The following TRPC4 variants were observed in gnomAD, a reference collection of about 807,000 sequenced individuals.
TRPC4 encodes short transient receptor potential channel 4.
TRPC4 carries 49 observed loss-of-function variants against 99.4 expected under a neutral mutation model. The ratio of observed to expected loss-of-function variants is 0.49; its 90% confidence interval spans 0.39 to 0.63. TRPC4 has a LOEUF of 0.63. Among genes scored for constraint, TRPC4 ranks in the 20% least tolerant of loss-of-function variants. The pLI is 0.00. For synonymous variants in TRPC4, 454 were observed against 425.9 expected (o/e 1.07, Z -0.81); for missense variants, 898 against 1,152.9 (o/e 0.78, Z 3.20).
intron 3 of TRPC4, among the ~76,000 whole-genome samples, chr13:37,734,739 C>T (rs75670187): frequency 0.031 from 4,719 of 152,202 alleles, 249 homozygotes; most frequent in African/African-American, 0.11. Flanking sequence ...TGTCCCGGAG[C>T]TGCCTGGGAA....
chr13:37,659,779 C>T (rs972717903), intron 6 of TRPC4, among the ~76,000 whole-genome samples: 17 of 151,830 alleles, frequency 1.1e-4, no homozygotes, highest in East Asian at 5.8e-4. Flanking sequence ...ATTTATTGAC[C>T]GACTACACAT....
At position 37,633,378 on chromosome 13, in the gene TRPC4, G is replaced by C. The variant is rs1951434611; in HGVS notation, c.*3525C>G. On this transcript the variant is annotated 3_prime_UTR_variant, in exon 11 of 11. Transcript: ENST00000379705. ...GAAGGCAGCTGTATACACCATAGAA[G>C]ACAGCTAAAAATACAATGCATGAGG... Among the ~76,000 whole-genome samples the C allele has an allele frequency of 6.6e-6, 1 of 152,100 alleles. No individual in the cohort carries two copies. Among genetic ancestry groups the C allele is most frequent in the African/African-American group, 2.4e-5 (1 of 41,424 alleles).
chr13:37,840,308 T>A (rs1230152732), intron 1 of TRPC4, among the ~76,000 whole-genome samples: 2 of 152,118 alleles, frequency 1.3e-5, no homozygotes, highest in African/African-American at 4.8e-5. Context: ...CAATTATTAT[T>A]CAAAGATGTG....
intron 4 of TRPC4, among the ~76,000 whole-genome samples, chr13:37,679,999 GA>G (rs1269029670): frequency 1.3e-5 from 2 of 152,154 alleles, no homozygotes; most frequent in African/African-American, 2.4e-5. Context: ...GCCTGCATGA[GA>G]AAACTAAGGC....
chr13:37,693,194 G>A (rs747428040), intron 3 of TRPC4, among the ~76,000 whole-genome samples: 4 of 151,824 alleles, frequency 2.6e-5, no homozygotes, highest in African/African-American at 4.8e-5. Context: ...TTCTCATTGG[G>A]ATTGTCAGTT....
rs546350705 is a variant in TRPC4 at position 37,812,355 on chromosome 13, C to T, written c.-27-28995G>A. 6.6e-5 allele frequency among the ~76,000 whole-genome samples: 10 copies of T among 151,060 alleles called. No individual in the cohort carries two copies. The East Asian group carries it at 2.0e-3, about 29-fold the overall frequency. Reference sequence around the variant, plus strand: ...AAGCATATAAGTATGAAAAAAAATACAAACCATTATGAGGAGAAAATTTAA... The same window carrying T: ...AAGCATATAAGTATGAAAAAAAATATAAACCATTATGAGGAGAAAATTTAA... On this transcript the variant is annotated intron_variant, in intron 1 of 10. Transcript: ENST00000379705.
chr13:37,797,279 T>C (rs1257097886), intron 1 of TRPC4, among the ~76,000 whole-genome samples: 1 of 152,164 alleles, frequency 6.6e-6, no homozygotes, highest in Non-Finnish European at 1.5e-5. Flanking sequence ...TTACAGACAG[T>C]GAATGAATCT....
chr13:37,825,023 T>G (rs1458701934), intron 1 of TRPC4, among the ~76,000 whole-genome samples: 4 of 151,906 alleles, frequency 2.6e-5, no homozygotes, highest in South Asian at 4.2e-4. Context: ...GTCGGGGAAT[T>G]TATCCATTTC....
intron 6 of TRPC4, among the ~76,000 whole-genome samples, chr13:37,662,202 C>A (rs188102987): frequency 6.6e-6 from 1 of 151,630 alleles, no homozygotes; most frequent in Non-Finnish European, 1.5e-5. Flanking sequence ...CCCAGCTACT[C>A]GGGAGGCTGA....
intron 3 of TRPC4, among the ~76,000 whole-genome samples, chr13:37,745,435 C>CGT (rs1566137997): frequency 2.2e-3 from 41 of 18,274 alleles, no homozygotes; most frequent in African/African-American, 5.3e-3. Flanking sequence ...TATATATATG[C>CGT]GTATATATAT....
At chr13:37,849,375 G>A (rs977368410) in intron 1 of TRPC4, among the ~76,000 whole-genome samples, 6 of 152,136 alleles carry the variant, frequency 3.9e-5, no homozygotes, top group Admixed American at 6.5e-5. Flanking sequence ...TGTGAGGTGC[G>A]TTCTCCTGAA....
At chr13:37,829,702 T>G (rs761158242) in intron 1 of TRPC4, among the ~76,000 whole-genome samples, 1 of 152,182 alleles carries the variant, frequency 6.6e-6, no homozygotes, top group African/African-American at 2.4e-5. Context: ...TGAATGTTTA[T>G]AGTAGCACTG....
At chr13:37,826,340 C>T (rs1293110393) in intron 1 of TRPC4, among the ~76,000 whole-genome samples, 7 of 108,274 alleles carry the variant, frequency 6.5e-5, no homozygotes, top group African/African-American at 1.9e-4. Context: ...TGATTTTGCT[C>T]GTTAGTTGAT....
chr13:37,789,660 A>AAGTAT (rs1403909370), intron 1 of TRPC4, among the ~76,000 whole-genome samples: 1 of 150,966 alleles, frequency 6.6e-6, no homozygotes, highest in Non-Finnish European at 1.5e-5. Flanking sequence ...AAGCTATCAA[A>AAGTAT]TCACCTGTGC....
chr13:37,778,790 C>G (rs1256107139), intron 2 of TRPC4, among the ~76,000 whole-genome samples: 5 of 152,002 alleles, frequency 3.3e-5, no homozygotes, highest in Non-Finnish European at 5.9e-5. Context: ...TACCACTTAA[C>G]AGCTAGTACT....
chr13:37,704,355 G>C (rs1954198862), intron 3 of TRPC4, among the ~76,000 whole-genome samples: 1 of 152,124 alleles, frequency 6.6e-6, no homozygotes, highest in South Asian at 2.1e-4. Context: ...AATATGGGCA[G>C]TTAATTGTAT....
chr13:37,724,226 A>T (rs923125128), intron 3 of TRPC4, among the ~76,000 whole-genome samples: 1 of 152,132 alleles, frequency 6.6e-6, no homozygotes, highest in Non-Finnish European at 1.5e-5. Context: ...TATATATACA[A>T]TTTAAAACTG....
chr13:37,716,242 C>A (rs1042132348), intron 3 of TRPC4, among the ~76,000 whole-genome samples: 2 of 151,938 alleles, frequency 1.3e-5, no homozygotes, highest in African/African-American at 2.4e-5. Context: ...ATCACCTTAC[C>A]CTTCAAGGTA....
chr13:37,861,097 A>G (rs1399628782), intron 1 of TRPC4, among the ~76,000 whole-genome samples: 14 of 151,564 alleles, frequency 9.2e-5, no homozygotes, highest in Non-Finnish European at 1.9e-4. Flanking sequence ...AACCAGAAGC[A>G]TTATAAGAAA....
Sources: allele counts gnomAD v4.1 joint callset (sites outside exome capture counted in the v4.1 genomes callset), GRCh38; gene constraint gnomAD v4.1.1; transcripts MANE v1.5; gene names NCBI Gene and HGNC (gene_info 2026-07-23, HGNC 2026-07-21).